The following PHACTR4 variants were observed in gnomAD, a reference collection of about 807,000 sequenced individuals.
PHACTR4 encodes the protein protein phosphatase 1, regulatory subunit 124.
In PHACTR4, 51 loss-of-function variants were observed where a neutral mutation model predicts 72.7. The ratio of observed to expected loss-of-function variants is 0.70; its 90% CI spans 0.56 to 0.89. The LOEUF (loss-of-function observed/expected upper bound fraction) is 0.89. PHACTR4 is among the 40% of genes least tolerant of loss of function. The probability of loss-of-function intolerance (pLI) is 0.00; values close to 1 mark genes in which losing one functional copy is unlikely to be tolerated. For synonymous variants in PHACTR4, 255 were observed against 302.5 expected (o/e 0.84, Z 1.63); for missense variants, 731 against 861.8 (o/e 0.85, Z 1.90).
chr1:28,483,132 G>A (rs1660386136), intron 9 of PHACTR4, among the ~76,000 whole-genome samples: 4 of 151,932 alleles, frequency 2.6e-5, no homozygotes, highest in African/African-American at 7.3e-5. Context: ...GGCTGGGCAC[G>A]GTGGCTCACT....
intron 2 of PHACTR4, among the ~76,000 whole-genome samples, chr1:28,451,360 A>C (rs911609858): frequency 5.9e-5 from 9 of 151,672 alleles, no homozygotes; most frequent in African/African-American, 2.2e-4. Flanking sequence ...TCATACTAAG[A>C]AGCTTGAAGC....
At chr1:28,493,444 G>A (rs554401935) in intron 13 of PHACTR4, among the ~76,000 whole-genome samples, 9 of 151,942 alleles carry the variant, frequency 5.9e-5, no homozygotes, top group East Asian at 1.9e-4. Flanking sequence ...AGGATGATGC[G>A]GGAGAATCAC....
At chr1:28,460,110 C>A in intron 3 of PHACTR4, 102 bp from the exon 4 acceptor site, 1 of 656,518 alleles carries the variant, frequency 1.5e-6, no homozygotes. Context: ...AGAATATAAA[C>A]TTAAACTACT....
At position 28,415,036 on chromosome 1, in the gene PHACTR4, G is replaced by A. The variant is rs544269124; in HGVS notation, c.16+7573G>A. Reference sequence around the variant, plus strand: ...AGCACTTTGGGAGGCCGAGGTGGACGGTTTGCCTGAGCTCAGGAATTCGAG... The same window carrying A: ...AGCACTTTGGGAGGCCGAGGTGGACAGTTTGCCTGAGCTCAGGAATTCGAG... On this transcript the variant is annotated intron_variant, in intron 2 of 13. Transcript: ENST00000373839. Among the ~76,000 whole-genome samples the A allele has an allele frequency of 4.6e-5, 7 of 152,200 alleles. No individual in the cohort carries two copies. The South Asian group carries it at 1.5e-3, about 32-fold the overall frequency.
chr1:28,438,447 A>G, intron 2 of PHACTR4: 1 of 1,612,218 alleles, frequency 6.2e-7, no homozygotes, highest in African/African-American at 1.3e-5. Context: ...AATAGAAGGC[A>G]GAGAAACAGA....
chr1:28,417,480 G>T (rs1655175409), intron 2 of PHACTR4, among the ~76,000 whole-genome samples: 1 of 152,146 alleles, frequency 6.6e-6, no homozygotes, highest in African/African-American at 2.4e-5. Flanking sequence ...AGTTGATATG[G>T]CAACTGAGAT....
At chr1:28,429,139 A>G (rs926584575) in intron 2 of PHACTR4, among the ~76,000 whole-genome samples, 5 of 152,202 alleles carry the variant, frequency 3.3e-5, no homozygotes, top group African/African-American at 1.2e-4. Context: ...GGTAAGTGGC[A>G]TGAGTATCTG....
At chr1:28,491,147 T>C (rs1661012465) in intron 11 of PHACTR4, 135 bp downstream of exon 11, 13 of 833,188 alleles carry the variant, frequency 1.6e-5, no homozygotes, top group Middle Eastern at 2.8e-4. Flanking sequence ...GGCAGGAGGA[T>C]TGCTTGAGCC....
chr1:28,465,386 G>A (rs1445935298), intron 4 of PHACTR4, among the ~76,000 whole-genome samples: 1 of 152,088 alleles, frequency 6.6e-6, no homozygotes, highest in African/African-American at 2.4e-5. Context: ...CGTGAACCCG[G>A]GAGGCAGAGG....
At chr1:28,397,906 G>A (rs1653638576) in intron 1 of PHACTR4, among the ~76,000 whole-genome samples, 1 of 151,716 alleles carries the variant, frequency 6.6e-6, no homozygotes, top group Non-Finnish European at 1.5e-5. Flanking sequence ...GTAGAAACGG[G>A]TTTTCACCAT....
In PHACTR4 at chr1:28,496,648, A is replaced by G. The variant is rs1030773240; in HGVS notation, c.*99A>G. On this transcript the variant is annotated 3_prime_UTR_variant, in exon 14 of 14. Transcript: ENST00000373839. ...TTTAGCACTTCCCAGCACAGCCAGA[A>G]TTGCATCCTCTGGGATCTTCTGAGG... 3 of 1,379,848 alleles carry G rather than the reference A, an allele frequency of 2.2e-6. No homozygotes were observed. In the African/African-American group the frequency reaches 4.3e-5, roughly 20 times the overall value. The allele number at this position is 1,379,848 out of a possible 1,614,324, so 85.5% of individuals were successfully genotyped here. A position where few individuals can be genotyped will look rare whatever the true frequency, so the allele number is the denominator to read the frequency against.
At chr1:28,372,813 C>G (rs1250695104) in intron 1 of PHACTR4, among the ~76,000 whole-genome samples, 1 of 149,540 alleles carries the variant, frequency 6.7e-6, no homozygotes, top group African/African-American at 2.5e-5. Context: ...GATTGCGCCA[C>G]TGCACTCCAG....
chr1:28,496,178 T>A, intron 13 of PHACTR4, among the ~76,000 whole-genome samples: 1 of 147,256 alleles, frequency 6.8e-6, no homozygotes. Flanking sequence ...TGCCTCAGCC[T>A]CGCGAGTAGC....
In PHACTR4 at chr1:28,464,127, G is replaced by A. The variant is rs956897638; in HGVS notation, c.272-1558G>A. 3.4e-5 allele frequency among the ~76,000 whole-genome samples: 5 copies of A among 145,306 alleles called. 1 individual carries two copies. Among genetic ancestry groups the A allele is most frequent in the Middle Eastern group, 7.2e-3 (2 of 278 alleles). ...ATTACAGGCACCTGCCACCACACCC[G>A]AATAATTTTTGTATTGTTAGTAAAG... On this transcript the variant is annotated intron_variant, in intron 4 of 13. Transcript: ENST00000373839.
chr1:28,459,172 G>A lies in PHACTR4; in HGVS notation c.104G>A (p.Ser35Asn). ...ACAACACCTCCTACCAAAAGGAAGA[G>A]CAAGTTCTCAGGCTTTGGCAAGATC... ...GDTTPPTKRK[S>N]KFSGFGKIFK... The change falls in exon 3 of 14, where the codon AGC (serine) becomes AAC (asparagine). Residue 35 changes from serine to asparagine, a missense_variant. By Grantham distance (46) the Ser-to-Asn change is conservative. This residue lies in a region of PHACTR4 where 621 missense variants were observed against 676.6 expected (regional missense o/e 0.92). Coordinates refer to ENST00000373839, the MANE Select transcript of PHACTR4 (RefSeq NM_001048183.3). The A allele has an allele frequency of 1.2e-6, 2 of 1,613,912 alleles. No homozygotes were observed. The highest frequency in any genetic ancestry group is 8.5e-7 in the Non-Finnish European group (1 of 1,179,910).
intron 2 of PHACTR4, among the ~76,000 whole-genome samples, chr1:28,425,452 G>T (rs1401130533): frequency 6.6e-6 from 1 of 152,196 alleles, no homozygotes; most frequent in Non-Finnish European, 1.5e-5. Context: ...GCTTGAAGAG[G>T]TTTGATATAA....
At chr1:28,469,822 G>A (rs1422190312) in intron 6 of PHACTR4, among the ~76,000 whole-genome samples, 3 of 152,146 alleles carry the variant, frequency 2.0e-5, no homozygotes, top group South Asian at 2.1e-4. Context: ...TCGGGAGGCC[G>A]AGGTGGGCAG....
In PHACTR4 at chr1:28,491,106, C is replaced by T. The variant is rs933720255; in HGVS notation, c.1878+94C>T. The T allele has an allele frequency of 9.7e-5, 124 of 1,278,958 alleles. 1 individual carries two copies. Among genetic ancestry groups the T allele is most frequent in the Non-Finnish European group, 1.3e-4 (117 of 896,552 alleles). The allele number at this position is 1,278,958 out of a possible 1,614,324, so 79.2% of individuals were successfully genotyped here. ...ATTCACAGCTGGGCACAGTGGCTTG[C>T]GCCTGTAATCCCAGCACTTTGGAAG... is the stretch of plus-strand genomic sequence containing the variant. On this transcript the variant is annotated intron_variant, in intron 11 of 13. Transcript: ENST00000373839.
chr1:28,397,826 G>C (rs1653627958), intron 1 of PHACTR4, among the ~76,000 whole-genome samples: 1 of 151,662 alleles, frequency 6.6e-6, no homozygotes, highest in South Asian at 2.1e-4. Flanking sequence ...CTCCCGAGTA[G>C]CTGGGACTAC....
Sources: allele counts gnomAD v4.1 joint callset (sites outside exome capture counted in the v4.1 genomes callset), GRCh38; gene constraint gnomAD v4.1.1; regional missense constraint gnomAD v4.1.1; transcripts MANE v1.5; gene names NCBI Gene and HGNC (gene_info 2026-07-23, HGNC 2026-07-21).